The following PCNX1 variants were observed in gnomAD, a reference collection of about 807,000 sequenced individuals.
PCNX1 encodes the protein pecanex-like protein 1.
PCNX1 carries 78 observed loss-of-function variants against 242.2 expected under a neutral mutation model. The ratio of observed to expected loss-of-function variants is 0.32; its 90% CI spans 0.27 to 0.39. PCNX1 has a LOEUF of 0.39. Ranked by LOEUF, PCNX1 falls within the 10% of genes least tolerant of loss-of-function variation. The pLI, the probability that PCNX1 is intolerant of heterozygous loss-of-function variation, is 1.00. For synonymous variants in PCNX1, 1,024 were observed against 1,032.9 expected (o/e 0.99, Z 0.17); for missense variants, 2,581 against 2,856.5 (o/e 0.90, Z 2.20).
At chr14:71,073,407 A>T in intron 26 of PCNX1, 138 bp from the exon 27 acceptor site, 1 of 816,654 alleles carries the variant, frequency 1.2e-6, no homozygotes, top group Admixed American at 2.6e-5. Flanking sequence ...TTTGTTAATG[A>T]ATATTCTAAG....
intron 2 of PCNX1, among the ~76,000 whole-genome samples, chr14:70,949,237 ATATACACACG>A (rs2057638079): frequency 6.9e-6 from 1 of 145,394 alleles, no homozygotes; most frequent in South Asian, 2.1e-4. Flanking sequence ...ATGTATGTGT[ATATACACACG>A]TGTATACACA....
intron 8 of PCNX1, among the ~76,000 whole-genome samples, chr14:70,996,499 CAT>C (rs1214887447): frequency 6.6e-6 from 1 of 152,080 alleles, no homozygotes; most frequent in African/African-American, 2.4e-5. Context: ...TATCTATAAA[CAT>C]ATAAATTATT....
At chr14:71,021,002 A>T (rs758576911) in intron 12 of PCNX1, among the ~76,000 whole-genome samples, 5 of 152,186 alleles carry the variant, frequency 3.3e-5, no homozygotes, top group Non-Finnish European at 7.3e-5. Context: ...TCCCAACACC[A>T]TTTATTAAAT....
chr14:70,916,341 C>T (rs934069159), intron 1 of PCNX1, among the ~76,000 whole-genome samples: 5 of 152,070 alleles, frequency 3.3e-5, no homozygotes, highest in African/African-American at 9.7e-5. Context: ...AGAAAATGGC[C>T]TTGGACAGAA....
At chr14:71,033,612 A>T in intron 17 of PCNX1, 74 bp downstream of exon 17, 1 of 815,094 alleles carries the variant, frequency 1.2e-6, no homozygotes, top group Non-Finnish European at 2.1e-6. Context: ...ACCTTTGAAG[A>T]TCTCTTTTTC....
intron 8 of PCNX1, among the ~76,000 whole-genome samples, chr14:71,004,094 A>G (rs1044467751): frequency 6.6e-6 from 1 of 152,212 alleles, no homozygotes; most frequent in Non-Finnish European, 1.5e-5. Flanking sequence ...TGTTTTTGTA[A>G]ATAAATAAAA....
At chr14:70,933,656 G>C (rs2056887595) in intron 1 of PCNX1, among the ~76,000 whole-genome samples, 1 of 152,180 alleles carries the variant, frequency 6.6e-6, no homozygotes. Context: ...GATCCTGACT[G>C]TGCAGCCAAA....
At chr14:70,929,163 A>T (rs2140144820) in intron 1 of PCNX1, among the ~76,000 whole-genome samples, 1 of 151,976 alleles carries the variant, frequency 6.6e-6, no homozygotes, top group South Asian at 2.1e-4. Flanking sequence ...CATGAAAATT[A>T]TTATTTCTTT....
Position 71,102,098 on chromosome 14 carries a change from C to T in PCNX1, c.5698C>T (p.Arg1900Trp), listed in dbSNP as rs1202088844. The T allele has an allele frequency of 2.5e-6, 4 of 1,613,162 alleles. No homozygotes were observed. Among genetic ancestry groups the T allele is most frequent in the East Asian group, 2.2e-5 (1 of 44,880 alleles). The change falls in exon 31 of 36, where the codon CGG becomes TGG. Residue 1900 changes from arginine to tryptophan, a missense_variant. This residue lies in a region of PCNX1 where 298 missense variants were observed against 480.1 expected (regional missense o/e 0.62). Transcript: ENST00000304743. ...AGCCCATGAAGGGGACCCTGCATGG[C>T]GGAGTGCAGTACTTGCCAACTCTCC... ...VIAHEGDPAW[R>W]SAVLANSPSL...
At chr14:71,047,457 A>T (rs1269201916) in intron 21 of PCNX1, among the ~76,000 whole-genome samples, 1 of 152,156 alleles carries the variant, frequency 6.6e-6, no homozygotes, top group Non-Finnish European at 1.5e-5. Flanking sequence ...TAGAGTAGGT[A>T]CCTATTGTTG....
chr14:70,981,117 C>T (rs2058826949), intron 6 of PCNX1, among the ~76,000 whole-genome samples: 1 of 152,114 alleles, frequency 6.6e-6, no homozygotes, highest in Non-Finnish European at 1.5e-5. Context: ...TTACAAACCT[C>T]AGCTTCCTCA....
At chr14:71,009,798 C>G (rs2059771286) in intron 9 of PCNX1, 74 bp downstream of exon 9, 1 of 797,200 alleles carries the variant, frequency 1.3e-6, no homozygotes, top group Admixed American at 2.9e-5. Flanking sequence ...AAGCCTAGAA[C>G]TATAAAAGTT....
At chr14:71,094,081 A>G (rs1244608751) in intron 30 of PCNX1, among the ~76,000 whole-genome samples, 1 of 152,170 alleles carries the variant, frequency 6.6e-6, no homozygotes, top group Non-Finnish European at 1.5e-5. Context: ...CCCCTGCATT[A>G]TTCCAGGGTC....
intron 12 of PCNX1, among the ~76,000 whole-genome samples, chr14:71,022,585 T>C (rs2060133683): frequency 6.6e-6 from 1 of 152,104 alleles, no homozygotes; most frequent in Non-Finnish European, 1.5e-5. Flanking sequence ...GGAAATGAAC[T>C]GAAACTTGGG....
intron 28 of PCNX1, 152 bp from the exon 29 acceptor site, chr14:71,088,178 T>G: frequency 2.4e-6 from 1 of 423,804 alleles, no homozygotes; most frequent in Non-Finnish European, 4.3e-6. Context: ...ACATTCATGC[T>G]TCATTTCATA....
chr14:70,958,404 C>T (rs1013181257), intron 2 of PCNX1, among the ~76,000 whole-genome samples: 2 of 152,068 alleles, frequency 1.3e-5, no homozygotes, highest in African/African-American at 4.8e-5. Flanking sequence ...TATATATTGC[C>T]TATATCTTTT....
rs752333432 is a variant in PCNX1 at position 71,019,087 on chromosome 14, A to G, written c.3075A>G (p.Ile1025Met). The G allele has an allele frequency of 1.2e-6, 2 of 1,613,494 alleles. 1 individual carries two copies. Among genetic ancestry groups the G allele is most frequent in the South Asian group, 2.2e-5 (2 of 90,996 alleles). ...CCTTTTTGGGATCTATTCTTCTCAT[A>G]CAAGGATTCTTCAGAGATATCTGGG... is the stretch of plus-strand genomic sequence containing the variant. ...LVAFLGSILL[I>M]QGFFRDIWVF... is the part of the protein sequence containing the mutation. The change falls in exon 12 of 36, where the codon ATA becomes ATG. Residue 1025 changes from isoleucine (I) to methionine (M), a missense_variant. Ile to Met is a conservative substitution (Grantham distance 10, BLOSUM62 1). Transcript: ENST00000304743.
In PCNX1 at chr14:71,011,549, G is replaced by A; in HGVS notation, c.2778G>A (p.Val926=). ...CAGTTCGATTTTATCCACATGATGT[G>A]GTAGGTTTTTCTTTATTTTTACAAC... ...STSVRFYPHD[V]LSLPQIRLNR... Residue 926 remains valine (V), a splice_region_variant and synonymous_variant, in exon 10 of 36, where the codon GTG becomes GTA. Transcript: ENST00000304743. 6.6e-7 allele frequency: 1 copy of A among 1,506,022 alleles called. No homozygotes were observed. The highest frequency in any genetic ancestry group is 9.2e-7 in the Non-Finnish European group (1 of 1,085,600). 93.3% of individuals were successfully genotyped at this position (1,506,022 alleles called of 1,614,324 possible).
rs367556158 is a variant in PCNX1, at chr14:70,979,677, T to A, written c.2311+1029T>A. Among the ~76,000 whole-genome samples the A allele has an allele frequency of 1.6e-4, 24 of 152,252 alleles. No individual in the cohort carries two copies. The East Asian group carries it at 4.2e-3, about 27-fold the overall frequency. On this transcript the variant is annotated intron_variant, in intron 6 of 35. Coordinates refer to ENST00000304743, the MANE Select transcript of PCNX1 (RefSeq NM_014982.3). ...AAGCTGGATTTTGTTTGTACAAACA[T>A]TATGAAACATATGAATATATGCTTT...
Sources: gnomAD v4.1 joint callset for allele counts (sites outside exome capture counted in the v4.1 genomes callset) on GRCh38, gnomAD v4.1.1 for gene constraint, gnomAD v4.1.1 regional missense constraint, MANE v1.5 for transcripts, NCBI Gene and HGNC (gene_info 2026-07-23, HGNC 2026-07-21) for gene names.